GOLGA1: variants seen among roughly 807,000 people sequenced by gnomAD.
GOLGA1 encodes the protein golgin subfamily A member 1.
GOLGA1 carries 63 observed loss-of-function variants against 119.7 expected under a neutral mutation model. That is an observed-to-expected ratio of 0.53 (90% CI 0.43 to 0.65). The LOEUF is 0.65. Ranked by LOEUF, GOLGA1 falls within the 30% of genes least tolerant of loss-of-function variation. GOLGA1 has a pLI of 0.00. For missense variants in GOLGA1, 798 were observed against 912.8 expected, an observed-to-expected ratio of 0.87 and a Z score of 1.62; for synonymous variants, 318 against 333.4, an observed-to-expected ratio of 0.95 and a Z score of 0.50.
intron 1 of GOLGA1, among the ~76,000 whole-genome samples, chr9:124,940,561 CA>C (rs1191161922): frequency 6.6e-6 from 1 of 152,122 alleles, no homozygotes; most frequent in Non-Finnish European, 1.5e-5. Context: ...TGACAAAAAG[CA>C]AGGCAAAATT....
intron 6 of GOLGA1, among the ~76,000 whole-genome samples, chr9:124,927,772 C>G (rs1469133906): frequency 6.6e-6 from 1 of 152,160 alleles, no homozygotes; most frequent in African/African-American, 2.4e-5. Flanking sequence ...AACGTGGGAA[C>G]AGAGGTTGGA....
At chr9:124,905,479 T>C (rs1026654326) in intron 12 of GOLGA1, among the ~76,000 whole-genome samples, 3 of 151,934 alleles carry the variant, frequency 2.0e-5, no homozygotes, top group Non-Finnish European at 4.4e-5. Context: ...AATAAATAAA[T>C]ACATACATAC....
chr9:124,892,166 G>A (rs1038029500), intron 15 of GOLGA1, among the ~76,000 whole-genome samples: 2 of 152,212 alleles, frequency 1.3e-5, no homozygotes, highest in African/African-American at 4.8e-5. Context: ...TGTTGGTCAG[G>A]CTGGTCTTGA....
Position 124,881,736 on chromosome 9 carries a change from T to G in GOLGA1, c.2136+48A>C. On this transcript the variant is annotated intron_variant, in intron 21 of 22. Transcript: ENST00000373555. The surrounding 1 kb of genome is among the most constrained non-coding windows in gnomAD (Gnocchi z 4.9). ...GGGCAGGGGTCCCTGCAGGACAGAC[T>G]GTAGGGCGGGGCCTCAATACCCAAA... 9.0e-6 allele frequency: 12 copies of G among 1,339,766 alleles called. No individual in the cohort carries two copies. Among genetic ancestry groups the G allele is most frequent in the Non-Finnish European group, 1.3e-5 (12 of 951,786 alleles). 83.0% of individuals were successfully genotyped at this position (1,339,766 alleles called of 1,614,324 possible).
chr9:124,881,380 T>C lies in GOLGA1; in HGVS notation c.2137-123A>G, dbSNP rs1189147422. On this transcript the variant is annotated intron_variant, in intron 21 of 22. Transcript: ENST00000373555. The surrounding 1 kb of genome is among the most constrained non-coding windows in gnomAD (Gnocchi z 4.9). ...CAGGACCAGGTGGTGGGTGACGCTC[T>C]GGCACTCTGAAGTTTGGCAGCAATG... 1.1e-5 allele frequency: 8 copies of C among 715,638 alleles called. No individual in the cohort carries two copies. The highest frequency in any genetic ancestry group is 1.8e-5 in the Non-Finnish European group (7 of 390,140). 44.3% of individuals were successfully genotyped at this position (715,638 alleles called of 1,614,324 possible).
Position 124,898,923 on chromosome 9 carries a change from C to T in GOLGA1, c.1312-279G>A, listed in dbSNP as rs1050581151. Among the ~76,000 whole-genome samples, 6 of 152,140 alleles carry T rather than the reference C, an allele frequency of 3.9e-5. No homozygotes were observed. In the East Asian group the frequency reaches 5.8e-4, roughly 15 times the overall value. On this transcript the variant is annotated intron_variant, in intron 14 of 22. Coordinates refer to ENST00000373555, the MANE Select transcript of GOLGA1 (RefSeq NM_002077.4). ...GATAAGAACTGCTCTCGGCTGGGTGCGGTGGCTCATGCCTATAATTCCAGC... is the reference window on the plus strand; with the variant it reads ...GATAAGAACTGCTCTCGGCTGGGTGTGGTGGCTCATGCCTATAATTCCAGC...
chr9:124,901,361 G>T (rs1438141667), intron 12 of GOLGA1, among the ~76,000 whole-genome samples: 1 of 148,866 alleles, frequency 6.7e-6, no homozygotes, highest in African/African-American at 2.5e-5. Context: ...ACCTCCGCCT[G>T]CTGGGTTCAA....
rs529079205 is a variant in GOLGA1 at position 124,926,741 on chromosome 9, C to G, written c.400G>C (p.Glu134Gln). ...AGCTGATCCATCTTTTCTGACCATT[C>G]CTAAAACAAAACAATAAAAAAGTAT... ...LALALARKDQ[E>Q]WSEKMDQLEK... Residue 134 changes from glutamate (E) to glutamine (Q), a missense_variant and splice_region_variant, in exon 7 of 23, where the codon GAA becomes CAA. Coordinates refer to ENST00000373555, the MANE Select transcript of GOLGA1 (RefSeq NM_002077.4). 1 of 1,552,196 alleles carries G rather than the reference C, an allele frequency of 6.4e-7. No individual in the cohort carries two copies. Among genetic ancestry groups the G allele is most frequent in the African/African-American group, 1.4e-5 (1 of 72,596 alleles).
intron 15 of GOLGA1, among the ~76,000 whole-genome samples, chr9:124,894,628 T>C (rs540099876): frequency 3.9e-5 from 6 of 152,226 alleles, no homozygotes; most frequent in African/African-American, 1.4e-4. Flanking sequence ...AAGCTCAACA[T>C]GCCCAAAATG....
At chr9:124,900,374 A>G (rs757851846) in intron 13 of GOLGA1, 78 bp downstream of exon 13, 1 of 782,248 alleles carries the variant, frequency 1.3e-6, no homozygotes, top group South Asian at 1.5e-5. Flanking sequence ...GAAGTTCGGA[A>G]TGAGTTTGGA....
chr9:124,899,988 A>T (rs1268713012), intron 13 of GOLGA1, among the ~76,000 whole-genome samples: 1 of 152,218 alleles, frequency 6.6e-6, no homozygotes, highest in Non-Finnish European at 1.5e-5. Context: ...CTAAACGAAA[A>T]CACGTGCATA....
At chr9:124,889,088 C>A in intron 18 of GOLGA1, 55 bp downstream of exon 18, 2 of 1,454,116 alleles carry the variant, frequency 1.4e-6, no homozygotes, top group East Asian at 2.3e-5. Flanking sequence ...GGGGCACTCT[C>A]GGCACCTGCC....
At chr9:124,895,334 TCTCCACAACAGAGAACC>T (rs1211861880) in intron 15 of GOLGA1, among the ~76,000 whole-genome samples, 6 of 60,688 alleles carry the variant, frequency 9.9e-5, no homozygotes, top group Non-Finnish European at 1.3e-4. Flanking sequence ...CAACAGAGAC[TCTCCACAACAGAGAACC>T]CTCCACAACA....
Position 124,938,764 on chromosome 9 carries a change from C to A in GOLGA1, c.-53G>T. The A allele has an allele frequency of 6.5e-7, 1 of 1,529,592 alleles. No individual in the cohort carries two copies. 94.8% of individuals were successfully genotyped at this position (1,529,592 alleles called of 1,614,324 possible). A position where few individuals can be genotyped will look rare whatever the true frequency, so the allele number is the denominator to read the frequency against. ...TGACGAGCTCTCAGTAGTCCTGGTGCCTGTGTTCAGGATTCAGACAGAGGC... is the reference window on the plus strand; with the variant it reads ...TGACGAGCTCTCAGTAGTCCTGGTGACTGTGTTCAGGATTCAGACAGAGGC... On this transcript the variant is annotated 5_prime_UTR_variant, in exon 3 of 23. Transcript: ENST00000373555.
In GOLGA1 at chr9:124,929,279, G is replaced by C; in HGVS notation, c.238C>G (p.Gln80Glu). The C allele has an allele frequency of 6.2e-7, 1 of 1,605,306 alleles. No individual in the cohort carries two copies. The highest frequency in any genetic ancestry group is 8.5e-7 in the Non-Finnish European group (1 of 1,172,028). Residue 80 changes from glutamine to glutamate, a missense_variant, in exon 5 of 23, where the codon CAG becomes GAG. Transcript: ENST00000373555. ...TTTATCTTCTGCAAGTTTCGGACCT[G>C]TTCAGCATAGTCTTGGGTGAGGAGG... is the stretch of plus-strand genomic sequence containing the variant. ...LEARLSDYAE[Q>E]VRNLQKIKEK...
chr9:124,931,039 G>A (rs148487125), intron 4 of GOLGA1, among the ~76,000 whole-genome samples: 92 of 152,218 alleles, frequency 6.0e-4, no homozygotes, highest in African/African-American at 2.1e-3. Flanking sequence ...GGTGGAAGAT[G>A]GTCAAATCTA....
At chr9:124,890,924 G>A (rs180830692) in intron 15 of GOLGA1, among the ~76,000 whole-genome samples, 4 of 152,306 alleles carry the variant, frequency 2.6e-5, no homozygotes, top group East Asian at 1.9e-4. Context: ...GGAGGCTGAG[G>A]TGGGAGGATC....
chr9:124,940,151 C>T lies in GOLGA1; in HGVS notation c.-201G>A, dbSNP rs1830974898. On this transcript the variant is annotated 5_prime_UTR_variant, in exon 2 of 23. Transcript: ENST00000373555. ...AAAACAGCTTGGAGGTCAAAGCATT[C>T]TGTCCTGCATGAAGACAAAGATAAA... 1 of 152,158 alleles carries T rather than the reference C, an allele frequency of 6.6e-6. No individual in the cohort carries two copies. The highest frequency in any genetic ancestry group is 2.1e-4 in the South Asian group (1 of 4,834). The allele number at this position is 152,158 out of a possible 1,614,324, so 9.4% of individuals were successfully genotyped here. A position where few individuals can be genotyped will look rare whatever the true frequency, so the allele number is the denominator to read the frequency against.
intron 15 of GOLGA1, among the ~76,000 whole-genome samples, chr9:124,891,576 T>C (rs1489724057): frequency 6.6e-6 from 1 of 152,170 alleles, no homozygotes; most frequent in East Asian, 1.9e-4. Context: ...AGCGATTTTA[T>C]TCACCTTCAA....
Sources: gnomAD v4.1 joint callset for allele counts (sites outside exome capture counted in the v4.1 genomes callset) on GRCh38, gnomAD v4.1.1 for gene constraint, Gnocchi (gnomAD v3.1) non-coding constraint, MANE v1.5 for transcripts, NCBI Gene and HGNC (gene_info 2026-07-23, HGNC 2026-07-21) for gene names.